PDE4D: variants seen among roughly 807,000 people sequenced by gnomAD.
The protein encoded by PDE4D is 3',5'-cyclic-AMP phosphodiesterase 4D.
Under a neutral mutation model 87.4 loss-of-function variants are expected in PDE4D, and 24 were observed. The ratio of observed to expected loss-of-function variants is 0.27; its 90% CI spans 0.20 to 0.39. The LOEUF is 0.39. Ranked by LOEUF, PDE4D falls within the 10% of genes least tolerant of loss-of-function variation. The pLI is 1.00. For synonymous variants in PDE4D, 384 were observed against 383.2 expected (o/e 1.00, Z -0.02); for missense variants, 714 against 1,041.0 (o/e 0.69, Z 4.32).
intron 1 of PDE4D, among the ~76,000 whole-genome samples, chr5:59,820,140 A>G (rs1769463069): frequency 6.6e-6 from 1 of 152,150 alleles, no homozygotes; most frequent in Admixed American, 6.5e-5. Flanking sequence ...AGATTTAAAT[A>G]CCTTTTCCAG....
At chr5:59,977,463 G>C (rs892902959) in intron 3 of PDE4D, among the ~76,000 whole-genome samples, 1 of 152,140 alleles carries the variant, frequency 6.6e-6, no homozygotes, top group Admixed American at 6.6e-5. Flanking sequence ...AGCAGAGGGT[G>C]GTTCATGATG....
intron 1 of PDE4D, among the ~76,000 whole-genome samples, chr5:59,660,190 AAAAT>A (rs201345419): frequency 5.3e-5 from 8 of 151,718 alleles, no homozygotes; most frequent in Non-Finnish European, 7.4e-5. Context: ...CTCTGTCGCC[AAAAT>A]AAATAAATAA....
At chr5:59,285,659 C>A (rs111762304) in intron 1 of PDE4D, among the ~76,000 whole-genome samples, 1 of 152,186 alleles carries the variant, frequency 6.6e-6, no homozygotes, top group South Asian at 2.1e-4. Flanking sequence ...GGAAAAATGG[C>A]CTTAATCTGG....
intron 5 of PDE4D, among the ~76,000 whole-genome samples, chr5:59,079,838 GGGAGAGGAGGGGAGAGGAGAGGAGA>G (rs1766375241): frequency 9.0e-6 from 1 of 111,242 alleles, no homozygotes; most frequent in Admixed American, 9.7e-5. Context: ...AGGAAAGGAG[GGGAGAGGAGGGGAGAGGAGAGGAGA>G]GGAGAGGAGA....
intron 1 of PDE4D, among the ~76,000 whole-genome samples, chr5:60,405,787 T>C (rs1741476507): frequency 6.6e-6 from 1 of 152,260 alleles, no homozygotes. Flanking sequence ...TTCTAGATAG[T>C]GATTATTATT....
At chr5:60,247,131 T>C (rs1747874607) in intron 1 of PDE4D, among the ~76,000 whole-genome samples, 1 of 152,002 alleles carries the variant, frequency 6.6e-6, no homozygotes, top group African/African-American at 2.4e-5. Flanking sequence ...GTCACAACTT[T>C]GTACTGAAGA....
intron 1 of PDE4D, among the ~76,000 whole-genome samples, chr5:60,334,556 T>C (rs1279045046): frequency 6.6e-6 from 1 of 152,078 alleles, no homozygotes; most frequent in Non-Finnish European, 1.5e-5. Context: ...TCTGCCAGAA[T>C]TACACAAGAT....
intron 1 of PDE4D, among the ~76,000 whole-genome samples, chr5:59,633,869 A>G (rs1831892023): frequency 6.6e-6 from 1 of 152,202 alleles, no homozygotes; most frequent in South Asian, 2.1e-4. Flanking sequence ...TAATGACAGG[A>G]TCAAATTCAT....
chr5:60,247,454 T>A (rs1337645085), intron 1 of PDE4D, among the ~76,000 whole-genome samples: 1 of 152,058 alleles, frequency 6.6e-6, no homozygotes, highest in Non-Finnish European at 1.5e-5. Context: ...GCAAGCTGAA[T>A]CCTTGTAATT....
intron 1 of PDE4D, among the ~76,000 whole-genome samples, chr5:59,794,068 T>G (rs1293271729): frequency 1.3e-5 from 2 of 150,802 alleles, no homozygotes; most frequent in African/African-American, 4.9e-5. Context: ...CACACACAGA[T>G]GCACATACAG....
intron 1 of PDE4D, among the ~76,000 whole-genome samples, chr5:59,369,079 A>G (rs997580018): frequency 6.6e-5 from 10 of 152,238 alleles, no homozygotes; most frequent in African/African-American, 1.9e-4. Flanking sequence ...AAGATCCCTT[A>G]GCTTCCAATC....
At chr5:60,032,335 G>GT (rs1767328457) in intron 2 of PDE4D, among the ~76,000 whole-genome samples, 2 of 152,124 alleles carry the variant, frequency 1.3e-5, no homozygotes, top group South Asian at 4.1e-4. Context: ...AGGCTATTTA[G>GT]TTTGGTAAAA....
At chr5:60,112,330 T>C (rs1056360403) in intron 2 of PDE4D, among the ~76,000 whole-genome samples, 3 of 152,158 alleles carry the variant, frequency 2.0e-5, no homozygotes, top group African/African-American at 7.2e-5. Context: ...CAATGTATTA[T>C]TCCTTTTACT....
chr5:60,512,183 C>G (rs1229830163), intron 1 of PDE4D, among the ~76,000 whole-genome samples: 1 of 152,124 alleles, frequency 6.6e-6, no homozygotes, highest in Non-Finnish European at 1.5e-5. Context: ...AGAGAATGAA[C>G]TACTCCAAGT....
intron 2 of PDE4D, among the ~76,000 whole-genome samples, chr5:59,204,873 G>A (rs1748400362): frequency 6.6e-6 from 1 of 152,230 alleles, no homozygotes; most frequent in East Asian, 1.9e-4. Flanking sequence ...TGCATGTGGT[G>A]AAAAGATTCA....
chr5:60,094,793 C>T (rs772981139), intron 2 of PDE4D, among the ~76,000 whole-genome samples: 2 of 151,742 alleles, frequency 1.3e-5, no homozygotes, highest in Non-Finnish European at 2.9e-5. Flanking sequence ...CTCCTAGCCT[C>T]CAGAACTGTG....
At chr5:60,485,690 T>A (rs1373421853) in intron 1 of PDE4D, among the ~76,000 whole-genome samples, 1 of 145,980 alleles carries the variant, frequency 6.9e-6, no homozygotes, top group Non-Finnish European at 1.5e-5. Context: ...AGAAGAAAGA[T>A]CAACTATTGC....
intron 1 of PDE4D, among the ~76,000 whole-genome samples, chr5:59,837,335 C>T (rs556389503): frequency 6.6e-6 from 1 of 152,070 alleles, no homozygotes; most frequent in Admixed American, 6.6e-5. Flanking sequence ...TACTATGTAG[C>T]ACTTAGTGTC....
chr5:59,720,839 C>T (rs1755721098), intron 1 of PDE4D, among the ~76,000 whole-genome samples: 1 of 152,094 alleles, frequency 6.6e-6, no homozygotes, highest in South Asian at 2.1e-4. Flanking sequence ...AATGAAATTA[C>T]ATAGAGTCTA....
Sources: allele counts gnomAD v4.1 joint callset (sites outside exome capture counted in the v4.1 genomes callset), GRCh38; gene constraint gnomAD v4.1.1; transcripts MANE v1.5; gene names NCBI Gene and HGNC (gene_info 2026-07-23, HGNC 2026-07-21).